Variants in BARD1 observed in about 807,000 individuals in gnomAD.
The protein encoded by BARD1 is BRCA1 associated RING domain 1, also known as BRCA1-associated RING domain protein 1.
A neutral mutation model predicts 77.0 loss-of-function variants in BARD1; 73 were observed. The ratio of observed to expected loss-of-function variants is 0.95; its 90% CI spans 0.79 to 1.15. BARD1 has a LOEUF of 1.15. Among genes scored for constraint, BARD1 ranks in the 50% most tolerant of loss-of-function variants. The pLI is 0.00. For synonymous variants in BARD1, 384 were observed against 338.0 expected (o/e 1.14, Z -1.49); for missense variants, 993 against 938.8 (o/e 1.06, Z -0.75).
At chr2:214,739,811 G>C (rs79944594) in intron 9 of BARD1, among the ~76,000 whole-genome samples, 3 of 151,944 alleles carry the variant, frequency 2.0e-5, no homozygotes, top group Admixed American at 6.5e-5. Flanking sequence ...TGACATTTTA[G>C]TAAAAATTCT....
At chr2:214,774,217 A>C (rs188202720) in intron 4 of BARD1, among the ~76,000 whole-genome samples, 9 of 151,902 alleles carry the variant, frequency 5.9e-5, no homozygotes, top group African/African-American at 1.9e-4. Context: ...ACTGTAATCA[A>C]CTCTTTTCCA....
intron 9 of BARD1, chr2:214,731,036 C>T (rs56894367): frequency 0.015 from 5,417 of 373,388 alleles, 266 homozygotes; most frequent in African/African-American, 0.1. Context: ...GGTTCAACAG[C>T]GCTTCCTAAA....
chr2:214,762,224 T>C (rs1267324880), intron 6 of BARD1, among the ~76,000 whole-genome samples: 1 of 152,194 alleles, frequency 6.6e-6, no homozygotes, highest in Non-Finnish European at 1.5e-5. Context: ...CTTCAGGCTA[T>C]GTGTATAAAA....
intron 1 of BARD1, among the ~76,000 whole-genome samples, 156 bp downstream of exon 1, chr2:214,809,256 T>C (rs1334130099): frequency 6.6e-6 from 1 of 152,162 alleles, no homozygotes; most frequent in Non-Finnish European, 1.5e-5. Flanking sequence ...GCAGAAGTTG[T>C]TAATACTATA....
rs146870053 is a variant in BARD1, at chr2:214,736,227, G to C, written c.1904-5719C>G. Among the ~76,000 whole-genome samples the C allele has an allele frequency of 9.0e-3, 1,371 of 151,722 alleles. 20 individuals carry two copies. The highest frequency in any genetic ancestry group is 0.032 in the African/African-American group (1,324 of 41,374). On this transcript the variant is annotated intron_variant, in intron 9 of 10. Transcript: ENST00000260947. ...AAATGAGACTCAAAATTCTTGACTG[G>C]GTCAAAATACCATACTAGAAGCACT...
At chr2:214,793,462 T>C (rs768993199) in intron 2 of BARD1, among the ~76,000 whole-genome samples, 1 of 152,198 alleles carries the variant, frequency 6.6e-6, no homozygotes, top group African/African-American at 2.4e-5. Flanking sequence ...GGATCTTCTG[T>C]ACATTTGTTT....
At chr2:214,807,873 A>G (rs546656854) in intron 1 of BARD1, among the ~76,000 whole-genome samples, 2 of 152,360 alleles carry the variant, frequency 1.3e-5, no homozygotes, top group South Asian at 2.1e-4. Flanking sequence ...TCGTTGGACT[A>G]TCAAGGTGTG....
chr2:214,752,540 C>T lies in BARD1; in HGVS notation c.1584G>A (p.Leu528=). The T allele has an allele frequency of 6.2e-7, 1 of 1,613,250 alleles. No homozygotes were observed. Among genetic ancestry groups the T allele is most frequent in the Non-Finnish European group, 8.5e-7 (1 of 1,179,360 alleles). ...CATCATCTGTATAATCGACAGGCCG[C>T]AGACCAAATATATTACTGGTAAAAT... ...ASRNAVNIFG[L]RPVDYTDDES... Residue 528 remains leucine (L), a synonymous_variant, in exon 7 of 11, where the codon CTG becomes CTA. Transcript: ENST00000260947.
chr2:214,786,367 T>C (rs989118950), intron 3 of BARD1, among the ~76,000 whole-genome samples: 1 of 152,036 alleles, frequency 6.6e-6, no homozygotes, highest in South Asian at 2.1e-4. Context: ...TTTATCCACA[T>C]AGAACAGCTT....
intron 6 of BARD1, among the ~76,000 whole-genome samples, chr2:214,760,261 C>T (rs553289604): frequency 3.3e-5 from 5 of 152,304 alleles, no homozygotes; most frequent in East Asian, 1.9e-4. Context: ...GGCACGATCT[C>T]GGCTTACTGC....
chr2:214,758,110 A>C (rs967144545), intron 6 of BARD1, among the ~76,000 whole-genome samples: 2 of 152,124 alleles, frequency 1.3e-5, no homozygotes, highest in African/African-American at 4.8e-5. Flanking sequence ...CAGCTTCCTA[A>C]ATCATTGTAA....
chr2:214,759,176 G>A (rs962980935), intron 6 of BARD1, among the ~76,000 whole-genome samples: 1 of 152,130 alleles, frequency 6.6e-6, no homozygotes, highest in Non-Finnish European at 1.5e-5. Flanking sequence ...AGGGCAGTGG[G>A]ACAATTAATA....
At position 214,762,299 on chromosome 2, in the gene BARD1, C is replaced by T. The variant is rs542781482; in HGVS notation, c.1568+5183G>A. 1.1e-4 allele frequency among the ~76,000 whole-genome samples: 16 copies of T among 152,246 alleles called. No homozygotes were observed. In the South Asian group the frequency reaches 2.3e-3, roughly 22 times the overall value. On this transcript the variant is annotated intron_variant, in intron 6 of 10. Transcript: ENST00000260947. ...GAACCATCCCTAAGACATCTCATTA[C>T]GTATATGCAAATATTCCAAAATCTG...
At chr2:214,795,193 C>T (rs1286863012) in intron 2 of BARD1, among the ~76,000 whole-genome samples, 1 of 152,040 alleles carries the variant, frequency 6.6e-6, no homozygotes, top group African/African-American at 2.4e-5. Context: ...CCATGGGAGG[C>T]GTTTTGGAGG....
At chr2:214,794,492 ACT>A (rs1325777408) in intron 2 of BARD1, among the ~76,000 whole-genome samples, 1 of 151,976 alleles carries the variant, frequency 6.6e-6, no homozygotes, top group East Asian at 1.9e-4. Context: ...CAACAGTGCC[ACT>A]CTATTTTTTT....
chr2:214,797,412 T>C (rs1448381646), intron 1 of BARD1, among the ~76,000 whole-genome samples: 1 of 152,194 alleles, frequency 6.6e-6, no homozygotes, highest in Non-Finnish European at 1.5e-5. Flanking sequence ...TCTAAACCTC[T>C]TAAGGCAAAA....
chr2:214,797,351 A>G (rs890014624), intron 1 of BARD1, among the ~76,000 whole-genome samples: 1 of 152,230 alleles, frequency 6.6e-6, no homozygotes, highest in Admixed American at 6.5e-5. Context: ...AATACATTTT[A>G]AAATGTATTT....
At chr2:214,733,419 C>T (rs916629629) in intron 9 of BARD1, among the ~76,000 whole-genome samples, 2 of 148,800 alleles carry the variant, frequency 1.3e-5, no homozygotes, top group Middle Eastern at 3.2e-3. Flanking sequence ...TAATTTTGTG[C>T]ATAAAGTTGT....
At chr2:214,752,360 G>C (rs1194466452) in intron 7 of BARD1, 87 bp downstream of exon 7, 2 of 1,127,176 alleles carry the variant, frequency 1.8e-6, no homozygotes, top group Non-Finnish European at 2.7e-6. Context: ...GTAAGCAATT[G>C]GTCAAATGGA....
Sources: gnomAD v4.1 joint callset for allele counts (sites outside exome capture counted in the v4.1 genomes callset) on GRCh38, gnomAD v4.1.1 for gene constraint, MANE v1.5 for transcripts, NCBI Gene and HGNC (gene_info 2026-07-23, HGNC 2026-07-21) for gene names.